ADAM23: variants seen among roughly 807,000 people sequenced by gnomAD.
ADAM23 encodes ADAM metallopeptidase domain 23.
Under a neutral mutation model 120.1 loss-of-function variants are expected in ADAM23, and 33 were observed. That is an observed-to-expected ratio of 0.27 (90% CI 0.21 to 0.37). ADAM23 has a LOEUF of 0.37. Among genes scored for constraint, ADAM23 ranks in the 10% least tolerant of loss-of-function variants. ADAM23 has a pLI of 1.00. For missense variants in ADAM23, 862 were observed against 1,058.2 expected, an observed-to-expected ratio of 0.81 and a Z score of 2.57; for synonymous variants, 367 against 375.2, an observed-to-expected ratio of 0.98 and a Z score of 0.25.
At chr2:206,535,005 A>G (rs1276209781) in intron 4 of ADAM23, among the ~76,000 whole-genome samples, 1 of 150,106 alleles carries the variant, frequency 6.7e-6, no homozygotes, top group Non-Finnish European at 1.5e-5. Flanking sequence ...AGAAGAGTAC[A>G]TTCTCTCCAC....
At chr2:206,597,176 A>G (rs1432092793) in intron 24 of ADAM23, among the ~76,000 whole-genome samples, 1 of 134,360 alleles carries the variant, frequency 7.4e-6, no homozygotes, top group Non-Finnish European at 1.6e-5. Flanking sequence ...CTCTTACATC[A>G]TCTTTTTTTT....
Position 206,578,424 on chromosome 2 carries a change from A to T in ADAM23, c.1737+5229A>T, listed in dbSNP as rs11891351. On this transcript the variant is annotated intron_variant, in intron 18 of 25. Coordinates refer to ENST00000264377, the MANE Select transcript of ADAM23 (RefSeq NM_003812.4). Reference sequence around the variant, plus strand: ...GTCTTTGCGTCACTACTTAGCTACCACATATCAGCGAGAACATATGATGCT... The same window carrying T: ...GTCTTTGCGTCACTACTTAGCTACCTCATATCAGCGAGAACATATGATGCT... Among the ~76,000 whole-genome samples the T allele has an allele frequency of 6.7e-3, 1,010 of 151,040 alleles. 22 individuals carry two copies. The highest frequency in any genetic ancestry group is 0.024 in the African/African-American group (970 of 40,980).
intron 25 of ADAM23, among the ~76,000 whole-genome samples, chr2:206,613,834 G>A (rs1698882197): frequency 6.6e-6 from 1 of 152,172 alleles, no homozygotes; most frequent in African/African-American, 2.4e-5. Context: ...CTTAGGCGTT[G>A]CTATTTATCT....
chr2:206,497,425 AG>A (rs1696277362), intron 3 of ADAM23, among the ~76,000 whole-genome samples: 1 of 152,256 alleles, frequency 6.6e-6, no homozygotes, highest in East Asian at 1.9e-4. Context: ...CAATAGATGC[AG>A]AAAAGGCCTT....
At chr2:206,610,072 G>T in intron 25 of ADAM23, 72 bp downstream of exon 25, 1 of 1,333,626 alleles carries the variant, frequency 7.5e-7, no homozygotes, top group South Asian at 1.6e-5. Context: ...ACCAAGTTTT[G>T]AGTTCCTGCT....
At chr2:206,613,714 A>G (rs1698880336) in intron 25 of ADAM23, among the ~76,000 whole-genome samples, 1 of 152,178 alleles carries the variant, frequency 6.6e-6, no homozygotes, top group Admixed American at 6.5e-5. Context: ...ACATTAGAAA[A>G]AGCAGGACCA....
At position 206,589,363 on chromosome 2, in the gene ADAM23, C is replaced by A. The variant is rs1698384285; in HGVS notation, c.1853-46C>A. The A allele has an allele frequency of 2.0e-6, 3 of 1,536,744 alleles. No homozygotes were observed. In the South Asian group the frequency reaches 3.6e-5, roughly 18 times the overall value. On this transcript the variant is annotated intron_variant, in intron 20 of 25. Coordinates refer to ENST00000264377, the MANE Select transcript of ADAM23 (RefSeq NM_003812.4). ...CTGGCACACTACTGGTTATGGATAACAAAGAAAATGAAAATTAATTTTCTT... is the reference window on the plus strand; with the variant it reads ...CTGGCACACTACTGGTTATGGATAAAAAAGAAAATGAAAATTAATTTTCTT...
intron 3 of ADAM23, among the ~76,000 whole-genome samples, chr2:206,503,661 C>T (rs58627796): frequency 0.11 from 16,593 of 152,074 alleles, 988 homozygotes; most frequent in Middle Eastern, 0.15. Context: ...AGGCATTTAA[C>T]GGGTGTTTCA....
At chr2:206,594,572 T>C (rs1698484926) in intron 22 of ADAM23, among the ~76,000 whole-genome samples, 165 bp from the exon 23 acceptor site, 2 of 152,078 alleles carry the variant, frequency 1.3e-5, no homozygotes, top group Non-Finnish European at 2.9e-5. Flanking sequence ...TGCTCTTTTA[T>C]TAAGGAAAGG....
At chr2:206,484,457 A>T (rs368027271) in intron 3 of ADAM23, among the ~76,000 whole-genome samples, 1 of 151,950 alleles carries the variant, frequency 6.6e-6, no homozygotes, top group South Asian at 2.1e-4. Flanking sequence ...TAAAAATTGG[A>T]GTGCTTTGTC....
intron 2 of ADAM23, among the ~76,000 whole-genome samples, chr2:206,466,398 A>T (rs1695542699): frequency 6.6e-6 from 1 of 152,242 alleles, no homozygotes; most frequent in African/African-American, 2.4e-5. Flanking sequence ...TGTCCTAATT[A>T]AAAATGTTGA....
At chr2:206,587,297 TATTAA>T in intron 18 of ADAM23, 23 bp from the exon 19 acceptor site, 1 of 1,563,856 alleles carries the variant, frequency 6.4e-7, no homozygotes, top group Non-Finnish European at 8.8e-7. Flanking sequence ...GCATGCTGAA[TATTAA>T]CTAAAAAGAT....
At chr2:206,554,517 A>C (rs1697600954) in intron 9 of ADAM23, among the ~76,000 whole-genome samples, 4 of 152,214 alleles carry the variant, frequency 2.6e-5, no homozygotes, top group Non-Finnish European at 5.9e-5. Context: ...AATATTTTTC[A>C]ATTTAAACCT....
chr2:206,505,491 TG>T (rs1352265631), intron 3 of ADAM23, among the ~76,000 whole-genome samples: 7 of 152,106 alleles, frequency 4.6e-5, no homozygotes, highest in Non-Finnish European at 2.9e-5. Context: ...GAAGCATGGC[TG>T]GGGAGGCCTC....
At position 206,567,792 on chromosome 2, in the gene ADAM23, A is replaced by G. The variant is rs935122821; in HGVS notation, c.1494+470A>G. ...CCTCAGACTGGGTAATTTATAGACAAAAGAGTTTTAATTGACTCACATTTC... is the reference window on the plus strand; with the variant it reads ...CCTCAGACTGGGTAATTTATAGACAGAAGAGTTTTAATTGACTCACATTTC... On this transcript the variant is annotated intron_variant, in intron 15 of 25. Transcript: ENST00000264377. Among the ~76,000 whole-genome samples, 86 of 152,150 alleles carry G rather than the reference A, an allele frequency of 5.7e-4. 1 individual carries two copies. Among genetic ancestry groups the G allele is most frequent in the African/African-American group, 1.9e-3 (78 of 41,410 alleles).
chr2:206,563,388 A>G (rs141075065), intron 13 of ADAM23, among the ~76,000 whole-genome samples: 15 of 152,342 alleles, frequency 9.8e-5, no homozygotes, highest in African/African-American at 2.2e-4. Flanking sequence ...AGGCTTCTCA[A>G]TTCCCTTTAT....
At chr2:206,600,204 G>GA (rs567063412) in intron 24 of ADAM23, among the ~76,000 whole-genome samples, 1 of 151,508 alleles carries the variant, frequency 6.6e-6, no homozygotes, top group Non-Finnish European at 1.5e-5. Flanking sequence ...ACTGTCTCAG[G>GA]AAAAAAAACC....
Position 206,573,142 on chromosome 2 carries a change from G to A in ADAM23, c.1684G>A (p.Asp562Asn). Residue 562 changes from aspartate to asparagine, a missense_variant, in exon 18 of 26, where the codon GAT (aspartate) becomes AAT (asparagine). This residue lies in a region of ADAM23 where 617 missense variants were observed against 813.5 expected (regional missense o/e 0.76). Coordinates refer to ENST00000264377, the MANE Select transcript of ADAM23 (RefSeq NM_003812.4). ...TCAGCCACGAGGGTATGAATGCCGG[G>A]ATGCTGTGAACGAGTGTGATATTAC... ...LFQPRGYECRDAVNECDITEY... is the reference protein window; with the variant it reads ...LFQPRGYECRNAVNECDITEY... 6.2e-7 allele frequency: 1 copy of A among 1,614,000 alleles called. No homozygotes were observed. The highest frequency in any genetic ancestry group is 8.5e-7 in the Non-Finnish European group (1 of 1,179,894).
At chr2:206,446,988 A>T (rs902567161) in intron 2 of ADAM23, among the ~76,000 whole-genome samples, 3 of 152,162 alleles carry the variant, frequency 2.0e-5, no homozygotes, top group African/African-American at 7.2e-5. Flanking sequence ...AAACTCCAGC[A>T]CCTTTGCTTA....
Sources: allele counts gnomAD v4.1 joint callset (sites outside exome capture counted in the v4.1 genomes callset), GRCh38; gene constraint gnomAD v4.1.1; regional missense constraint gnomAD v4.1.1; transcripts MANE v1.5; gene names NCBI Gene and HGNC (gene_info 2026-07-23, HGNC 2026-07-21).